Variants in CHODL observed in about 807,000 individuals in gnomAD.
CHODL encodes the protein transmembrane protein MT75.
CHODL carries 29 observed loss-of-function variants against 34.5 expected under a neutral mutation model. The ratio of observed to expected loss-of-function variants is 0.84; its 90% CI spans 0.63 to 1.15. The LOEUF (loss-of-function observed/expected upper bound fraction) is 1.15, where lower values mean the gene tolerates loss of function less well. CHODL is among the 50% of genes most tolerant of loss of function. CHODL has a pLI of 0.00. For missense variants in CHODL, 332 were observed against 332.5 expected (o/e 1.00, Z 0.01); for synonymous variants, 125 against 116.1 (o/e 1.08, Z -0.49).
chr21:18,078,875 A>G (rs73310424), intron 2 of CHODL, among the ~76,000 whole-genome samples: 8,329 of 152,242 alleles, frequency 0.055, 762 homozygotes, highest in African/African-American at 0.19. Context: ...AATGTAGGTA[A>G]CTTGTCTAAG....
rs371277241 is a variant in CHODL at position 17,984,891 on chromosome 21, G to A, written c.-144-42981G>A. Among the ~76,000 whole-genome samples, 7 of 151,900 alleles carry A rather than the reference G, an allele frequency of 4.6e-5. 1 individual carries two copies. Among genetic ancestry groups the A allele is most frequent in the Admixed American group, 1.3e-4 (2 of 15,246 alleles). The stretch of plus-strand genomic sequence containing the variant: ...TGAAGTACTTATATTGTCACTTATT[G>A]GATTTTTAAATTCTTATATATGGAA... On this transcript the variant is annotated intron_variant, in intron 1 of 6. Transcript: ENST00000400127.
chr21:17,938,516 T>C, intron 1 of CHODL, among the ~76,000 whole-genome samples: 1 of 117,948 alleles, frequency 8.5e-6, no homozygotes, highest in African/African-American at 3.3e-5. Context: ...TCTCGCTCCA[T>C]CGCCCAGGCT....
intron 1 of CHODL, among the ~76,000 whole-genome samples, chr21:17,931,083 C>G (rs1316694784): frequency 6.6e-6 from 1 of 152,196 alleles, no homozygotes; most frequent in African/African-American, 2.4e-5. Flanking sequence ...GTGGAGCCCC[C>G]TCTCCAACTG....
At chr21:18,241,992 G>A (rs1025343140), upstream of CHODL, among the ~76,000 whole-genome samples, 3 of 151,412 alleles carry the variant, frequency 2.0e-5, no homozygotes, top group Non-Finnish European at 4.4e-5. Context: ...GTTCTCATTT[G>A]AGTCTTTTTT....
chr21:18,025,119 G>T (rs113829564), intron 1 of CHODL, among the ~76,000 whole-genome samples: 2,298 of 152,132 alleles, frequency 0.015, 53 homozygotes, highest in African/African-American at 0.051. Flanking sequence ...TGCTAATCAG[G>T]TTCAGAAGTA....
intron 2 of CHODL, among the ~76,000 whole-genome samples, chr21:18,184,662 G>A (rs2073419759): frequency 6.6e-6 from 1 of 152,172 alleles, no homozygotes; most frequent in Non-Finnish European, 1.5e-5. Context: ...CATGGAGGGA[G>A]AAACTTCTGT....
intron 1 of CHODL, among the ~76,000 whole-genome samples, chr21:18,251,035 A>C (rs1802607696): frequency 6.6e-6 from 1 of 151,684 alleles, no homozygotes; most frequent in Admixed American, 6.6e-5. Context: ...GCACTCAACT[A>C]TCAGAAAATA....
chr21:17,971,793 A>T lies in CHODL; in HGVS notation c.-145+54393A>T, dbSNP rs377702961. 2.6e-5 allele frequency among the ~76,000 whole-genome samples: 4 copies of T among 152,258 alleles called. No homozygotes were observed. The East Asian group carries it at 7.7e-4, about 29-fold the overall frequency. ...ATAGAAAAAGAGCAACTCCTCCCCAACACATTTTATGAGGCCAGCATCATC... is the reference window on the plus strand; with the variant it reads ...ATAGAAAAAGAGCAACTCCTCCCCATCACATTTTATGAGGCCAGCATCATC... On this transcript the variant is annotated intron_variant, in intron 1 of 6. Coordinates refer to the CHODL transcript ENST00000400127.
intron 1 of CHODL, among the ~76,000 whole-genome samples, chr21:18,252,729 T>G (rs1326887276): frequency 6.6e-6 from 1 of 152,162 alleles, no homozygotes; most frequent in Non-Finnish European, 1.5e-5. Flanking sequence ...ATCTGAACTG[T>G]TAGTGACTTT....
chr21:17,973,403 TCTTTTCTTTCTTTC>T (rs796396873), intron 1 of CHODL, among the ~76,000 whole-genome samples: 12 of 142,196 alleles, frequency 8.4e-5, no homozygotes, highest in African/African-American at 2.9e-4. Flanking sequence ...CATTTTCTTT[TCTTTTCTTTCTTTC>T]TTTTTTTTTT....
At chr21:18,156,389 C>A (rs1055269138) in intron 2 of CHODL, among the ~76,000 whole-genome samples, 7 of 151,868 alleles carry the variant, frequency 4.6e-5, no homozygotes, top group Admixed American at 2.0e-4. Flanking sequence ...TTTGCCCAGC[C>A]CAATGTCGTG....
chr21:17,988,284 A>G (rs1356312685), intron 1 of CHODL, among the ~76,000 whole-genome samples: 1 of 151,558 alleles, frequency 6.6e-6, no homozygotes, highest in African/African-American at 2.4e-5. Flanking sequence ...AATCCCACTG[A>G]TTGCACAGGC....
intron 1 of CHODL, among the ~76,000 whole-genome samples, chr21:17,945,821 A>G (rs2063402980): frequency 6.6e-6 from 1 of 152,216 alleles, no homozygotes; most frequent in Non-Finnish European, 1.5e-5. Context: ...ATCAAAAATT[A>G]AAGACTAATA....
chr21:18,168,644 A>G lies in CHODL; in HGVS notation c.-44-87865A>G, dbSNP rs2073186610. Among the ~76,000 whole-genome samples the G allele has an allele frequency of 2.0e-5, 3 of 152,160 alleles. No individual in the cohort carries two copies. In the South Asian group the frequency reaches 6.2e-4, roughly 32 times the overall value. ...GGTTGTCTTTTTATTGTTGAATTGT[A>G]AGAGTTCTTTATATATTCTGGATAC... On this transcript the variant is annotated intron_variant, in intron 2 of 6. Transcript: ENST00000400127.
At chr21:17,963,071 AAAAATAAT>A (rs1380488720) in intron 1 of CHODL, among the ~76,000 whole-genome samples, 714 of 70,306 alleles carry the variant, frequency 0.01, 7 homozygotes, top group African/African-American at 0.044. Flanking sequence ...CTCAAAAAAA[AAAAATAAT>A]AATAATAATA....
intron 2 of CHODL, among the ~76,000 whole-genome samples, chr21:18,116,997 C>T (rs2065421209): frequency 6.6e-6 from 1 of 152,176 alleles, no homozygotes; most frequent in South Asian, 2.1e-4. Flanking sequence ...AGTAGTGACA[C>T]TGATAGAGCT....
intron 2 of CHODL, among the ~76,000 whole-genome samples, chr21:18,143,415 T>C (rs1197353316): frequency 6.6e-6 from 1 of 152,172 alleles, no homozygotes; most frequent in Non-Finnish European, 1.5e-5. Context: ...ATGACAAGTA[T>C]GCTTTTTATA....
At chr21:18,072,448 T>C (rs1342351637) in intron 2 of CHODL, among the ~76,000 whole-genome samples, 2 of 152,144 alleles carry the variant, frequency 1.3e-5, no homozygotes, top group Non-Finnish European at 2.9e-5. Flanking sequence ...GGAGTTGACA[T>C]TATCAAGTGC....
At chr21:18,059,447 T>A (rs1329494685) in intron 2 of CHODL, among the ~76,000 whole-genome samples, 1 of 151,982 alleles carries the variant, frequency 6.6e-6, no homozygotes, top group Non-Finnish European at 1.5e-5. Context: ...TTTTCATTTG[T>A]ATCCTTAAAA....
Sources: allele counts gnomAD v4.1 joint callset (sites outside exome capture counted in the v4.1 genomes callset), GRCh38; gene constraint gnomAD v4.1.1; transcripts MANE v1.5; gene names NCBI Gene and HGNC (gene_info 2026-07-23, HGNC 2026-07-21).